VSTM4: variants seen among roughly 807,000 people sequenced by gnomAD.
VSTM4 encodes the protein V-set and transmembrane domain-containing protein 4.
Under a neutral mutation model 36.4 loss-of-function variants are expected in VSTM4, and 20 were observed. The observed-to-expected ratio is 0.55, with a 90% confidence interval of 0.39 to 0.80. VSTM4 has a LOEUF of 0.80. Ranked by LOEUF, VSTM4 falls within the 30% of genes least tolerant of loss-of-function variation. VSTM4 has a pLI of 0.00. For synonymous variants in VSTM4, 182 were observed against 173.9 expected, an observed-to-expected ratio of 1.05 and a Z score of -0.37; for missense variants, 392 against 404.5, an observed-to-expected ratio of 0.97 and a Z score of 0.26.
At chr10:49,040,706 T>C (rs1430656286) in intron 7 of VSTM4, among the ~76,000 whole-genome samples, 1 of 152,238 alleles carries the variant, frequency 6.6e-6, no homozygotes, top group Non-Finnish European at 1.5e-5. Flanking sequence ...AGATTCCCAC[T>C]TGTTAACGGC....
intron 4 of VSTM4, among the ~76,000 whole-genome samples, chr10:49,068,477 G>A (rs1342097385): frequency 1.3e-5 from 2 of 152,212 alleles, no homozygotes; most frequent in East Asian, 3.9e-4. Flanking sequence ...CCCTGCCAGC[G>A]CTTGCTGAGG....
At chr10:49,073,161 G>A (rs1024261552) in intron 4 of VSTM4, among the ~76,000 whole-genome samples, 2 of 152,150 alleles carry the variant, frequency 1.3e-5, no homozygotes, top group African/African-American at 4.8e-5. Context: ...CAGGCCTCAT[G>A]GATCTACAGA....
chr10:49,063,836 G>C (rs989886691), intron 5 of VSTM4, among the ~76,000 whole-genome samples: 11 of 152,186 alleles, frequency 7.2e-5, no homozygotes, highest in Admixed American at 3.3e-4. Flanking sequence ...GGTTGAGGAA[G>C]GGAGTCTTAG....
At chr10:49,111,252 AAG>A (rs1457354609) in intron 1 of VSTM4, among the ~76,000 whole-genome samples, 13 of 152,152 alleles carry the variant, frequency 8.5e-5, no homozygotes, top group Non-Finnish European at 1.6e-4. Context: ...TTTCAATACT[AAG>A]AGAGAGGTAG....
intron 2 of VSTM4, 99 bp downstream of exon 2, chr10:49,107,490 TAGTGC>T: frequency 1.4e-6 from 2 of 1,418,736 alleles, no homozygotes; most frequent in Non-Finnish European, 1.9e-6. Context: ...AGATATGTTC[TAGTGC>T]AACACAGCCA....
At chr10:49,052,243 T>G (rs17773394) in intron 5 of VSTM4, among the ~76,000 whole-genome samples, 18,598 of 152,256 alleles carry the variant, frequency 0.12, 1,458 homozygotes, top group Middle Eastern at 0.18. Flanking sequence ...ACTCAACAAA[T>G]GAGAATACCT....
chr10:49,077,935 GACTCTAAAGA>G (rs1844209343), intron 3 of VSTM4, among the ~76,000 whole-genome samples: 1 of 151,114 alleles, frequency 6.6e-6, no homozygotes, highest in South Asian at 2.1e-4. Context: ...CTACTATCCA[GACTCTAAAGA>G]ACTCTAAAAA....
At chr10:49,047,707 C>A (rs1310968184) in intron 6 of VSTM4, among the ~76,000 whole-genome samples, 1 of 152,206 alleles carries the variant, frequency 6.6e-6, no homozygotes, top group East Asian at 1.9e-4. Context: ...AGTACAACCA[C>A]ACCCTCCAGC....
At chr10:49,046,932 G>A in intron 7 of VSTM4, 51 bp downstream of exon 7, 3 of 1,561,284 alleles carry the variant, frequency 1.9e-6, no homozygotes, top group Non-Finnish European at 2.6e-6. Flanking sequence ...TGGAATCTGA[G>A]TTGTGTCTGA....
chr10:49,034,511 C>T (rs1034638316), intron 7 of VSTM4, among the ~76,000 whole-genome samples: 2 of 152,110 alleles, frequency 1.3e-5, no homozygotes, highest in African/African-American at 4.8e-5. Context: ...TTGGTGATCA[C>T]ATGTGCTCGT....
chr10:49,099,518 ACAAT>A (rs1844629983), intron 2 of VSTM4, among the ~76,000 whole-genome samples: 2 of 152,228 alleles, frequency 1.3e-5, no homozygotes, highest in South Asian at 4.1e-4. Context: ...TATTGATAAA[ACAAT>A]CAAAGGAAAT....
intron 4 of VSTM4, among the ~76,000 whole-genome samples, chr10:49,066,514 T>C (rs1411258055): frequency 6.6e-6 from 1 of 152,204 alleles, no homozygotes; most frequent in Admixed American, 6.5e-5. Flanking sequence ...TTGAGGAGTA[T>C]AAGAAAATTT....
At chr10:49,108,168 G>A (rs1178091450) in intron 1 of VSTM4, among the ~76,000 whole-genome samples, 173 bp from the exon 2 acceptor site, 7 of 152,290 alleles carry the variant, frequency 4.6e-5, no homozygotes, top group African/African-American at 1.7e-4. Context: ...TTCTGGGGGT[G>A]AGCCTCTGTG....
rs530804675 is a variant in VSTM4, at chr10:49,102,544, A to G, written c.457+5050T>C. On this transcript the variant is annotated intron_variant, in intron 2 of 7. Transcript: ENST00000332853. ...TACAGTGCTAAAAACAGAAGCTACA[A>G]GATGTTGCCAGTGGGAGAGCACTCC... is the stretch of plus-strand genomic sequence containing the variant. 1.0e-4 allele frequency: 100 copies of G among 985,460 alleles called. No individual in the cohort carries two copies. The African/African-American group carries it at 1.7e-3, about 16-fold the overall frequency. The allele number at this position is 985,460 out of a possible 1,614,324, so 61.0% of individuals were successfully genotyped here.
chr10:49,081,228 T>C (rs1844272545), intron 3 of VSTM4, among the ~76,000 whole-genome samples: 1 of 152,162 alleles, frequency 6.6e-6, no homozygotes, highest in South Asian at 2.1e-4. Flanking sequence ...CAGGAGAAGA[T>C]GGTGAACAAC....
At chr10:49,055,513 A>G (rs1483896152) in intron 5 of VSTM4, among the ~76,000 whole-genome samples, 1 of 152,246 alleles carries the variant, frequency 6.6e-6, no homozygotes, top group East Asian at 1.9e-4. Flanking sequence ...CATCTTTTAA[A>G]GTAAAATGAA....
intron 1 of VSTM4, 91 bp from the exon 2 acceptor site, chr10:49,108,086 C>T (rs937719843): frequency 1.5e-5 from 21 of 1,441,698 alleles, no homozygotes; most frequent in South Asian, 4.2e-5. Flanking sequence ...AATGCCTCCA[C>T]GCACTGGGCA....
intron 4 of VSTM4, among the ~76,000 whole-genome samples, chr10:49,073,599 G>A (rs377544381): frequency 6.6e-6 from 1 of 152,178 alleles, no homozygotes; most frequent in African/African-American, 2.4e-5. Context: ...GGAATAATCA[G>A]CTCAAAGCCC....
chr10:49,062,416 T>C (rs1216066675), intron 5 of VSTM4, among the ~76,000 whole-genome samples: 2 of 152,156 alleles, frequency 1.3e-5, no homozygotes, highest in African/African-American at 4.8e-5. Flanking sequence ...TTCCCTTTCA[T>C]GTCTGGAGGA....
Sources: gnomAD v4.1 joint callset for allele counts (sites outside exome capture counted in the v4.1 genomes callset) on GRCh38, gnomAD v4.1.1 for gene constraint, MANE v1.5 for transcripts, NCBI Gene and HGNC (gene_info 2026-07-23, HGNC 2026-07-21) for gene names.